The following GSE1 variants were observed in gnomAD, a reference collection of about 807,000 sequenced individuals.
GSE1 encodes the protein genetic suppressor element 1.
A neutral mutation model predicts 112.6 loss-of-function variants in GSE1; 32 were observed. The ratio of observed to expected loss-of-function variants is 0.28; its 90% confidence interval spans 0.21 to 0.38. The LOEUF is 0.38. GSE1 is among the 10% of genes least tolerant of loss of function. GSE1 has a pLI of 1.00. For synonymous variants in GSE1, 1,115 were observed against 735.6 expected, an observed-to-expected ratio of 1.52 and a Z score of -8.35; for missense variants, 2,348 against 1,699.2, an observed-to-expected ratio of 1.38 and a Z score of -6.71.
At chr16:85,459,538 C>T (rs2049918794) in intron 2 of GSE1, among the ~76,000 whole-genome samples, 1 of 152,218 alleles carries the variant, frequency 6.6e-6, no homozygotes, top group African/African-American at 2.4e-5. Context: ...ACAAACCACT[C>T]AGCTGCCCTT....
At chr16:85,483,591 C>A (rs2050748216) in intron 2 of GSE1, among the ~76,000 whole-genome samples, 1 of 152,284 alleles carries the variant, frequency 6.6e-6, no homozygotes, top group Non-Finnish European at 1.5e-5. Context: ...GCCACTGTCT[C>A]CGCCCTCTTG....
chr16:85,182,206 G>T (rs1201056723), intron 1 of GSE1, among the ~76,000 whole-genome samples: 2 of 152,182 alleles, frequency 1.3e-5, no homozygotes, highest in Admixed American at 1.3e-4. Flanking sequence ...GGCTCCTGTG[G>T]GGGGAGGAGG....
chr16:85,385,146 A>G (rs569290318), intron 2 of GSE1, among the ~76,000 whole-genome samples: 1 of 152,366 alleles, frequency 6.6e-6, no homozygotes, highest in African/African-American at 2.4e-5. Flanking sequence ...GGGCCGAGCC[A>G]CATGGGGCTT....
chr16:85,623,844 T>G (rs375933433), intron 1 of GSE1, among the ~76,000 whole-genome samples: 19 of 152,170 alleles, frequency 1.2e-4, no homozygotes, highest in African/African-American at 4.6e-4. Context: ...TCCTGGCCCC[T>G]GTATGATTGC....
chr16:85,236,053 G>C (rs534458078), intron 1 of GSE1, among the ~76,000 whole-genome samples: 9 of 152,184 alleles, frequency 5.9e-5, no homozygotes, highest in African/African-American at 1.9e-4. Flanking sequence ...GCTGGGGCTG[G>C]TGCCGCCCCT....
intron 2 of GSE1, among the ~76,000 whole-genome samples, chr16:85,493,729 G>A (rs1238528148): frequency 2.0e-5 from 3 of 149,438 alleles, no homozygotes; most frequent in Non-Finnish European, 3.0e-5. Flanking sequence ...GGTAGAGGTT[G>A]TGGTAAGCCG....
intron 2 of GSE1, among the ~76,000 whole-genome samples, chr16:85,377,920 G>A (rs1417404172): frequency 3.9e-5 from 6 of 152,246 alleles, no homozygotes; most frequent in Non-Finnish European, 4.4e-5. Flanking sequence ...GGGCCTGGCC[G>A]CTCCTTGGGC....
chr16:85,389,035 T>C (rs2047771368), intron 2 of GSE1, among the ~76,000 whole-genome samples: 1 of 152,200 alleles, frequency 6.6e-6, no homozygotes, highest in Admixed American at 6.5e-5. Context: ...AACCATGGAA[T>C]GGCCCTCATT....
At chr16:85,313,918 CTG>C (rs10676246) in intron 1 of GSE1, among the ~76,000 whole-genome samples, 30,295 of 149,186 alleles carry the variant, frequency 0.2, 3,503 homozygotes, top group Non-Finnish European at 0.26. Context: ...GTCTGAGCCT[CTG>C]TGTGTGTGTG....
intron 1 of GSE1, among the ~76,000 whole-genome samples, chr16:85,341,117 T>A (rs1038065228): frequency 6.6e-6 from 1 of 152,228 alleles, no homozygotes; most frequent in African/African-American, 2.4e-5. Context: ...ATTGAAACCT[T>A]CCTGACTGCT....
chr16:85,618,200 A>C (rs2048499673), intron 1 of GSE1, among the ~76,000 whole-genome samples: 1 of 151,932 alleles, frequency 6.6e-6, no homozygotes, highest in African/African-American at 2.4e-5. Context: ...CACTGGACTG[A>C]GGTGGCGTGA....
intron 2 of GSE1, among the ~76,000 whole-genome samples, chr16:85,452,229 T>C (rs2049706921): frequency 6.6e-6 from 1 of 152,178 alleles, no homozygotes. Flanking sequence ...GCTGTCTGAC[T>C]CCTCGCGTCC....
intron 1 of GSE1, among the ~76,000 whole-genome samples, chr16:85,338,088 C>A (rs967239498): frequency 6.6e-6 from 1 of 152,216 alleles, no homozygotes; most frequent in Non-Finnish European, 1.5e-5. Flanking sequence ...TGGCCCTGCT[C>A]GTCCTGCTCT....
chr16:85,191,398 C>G (rs1451473599), intron 1 of GSE1, among the ~76,000 whole-genome samples: 1 of 152,184 alleles, frequency 6.6e-6, no homozygotes, highest in Non-Finnish European at 1.5e-5. Context: ...TCACCGCTGT[C>G]TAATCTTAGA....
chr16:85,308,503 T>G (rs897764938), intron 1 of GSE1, among the ~76,000 whole-genome samples: 1 of 152,064 alleles, frequency 6.6e-6, no homozygotes, highest in Non-Finnish European at 1.5e-5. Flanking sequence ...TTTAAACTGC[T>G]TCAGAAAACA....
chr16:85,551,574 C>T (rs529759367), upstream of GSE1, among the ~76,000 whole-genome samples: 68 of 152,304 alleles, frequency 4.5e-4, no homozygotes, highest in African/African-American at 1.6e-3. Flanking sequence ...CGGCGGGGCA[C>T]GGTGGGGTTG....
In GSE1 at chr16:85,331,521, A is replaced by G. The variant is rs62048472; in HGVS notation, c.2284-25942A>G. ...TATGTGTATATATGTATATATGTGTATATATGTGTATATGTGTATATGTGT... is the reference window on the plus strand; with the variant it reads ...TATGTGTATATATGTATATATGTGTGTATATGTGTATATGTGTATATGTGT... On this transcript the variant is annotated intron_variant, in intron 1 of 2. Transcript: ENST00000637419. Among the ~76,000 whole-genome samples, 7 of 62,178 alleles carry G rather than the reference A, an allele frequency of 1.1e-4. 1 individual carries two copies. The highest frequency in any genetic ancestry group is 7.1e-4 in the Admixed American group (3 of 4,248). 40.8% of individuals were successfully genotyped at this position (62,178 alleles called of 152,430 possible). A position where few individuals can be genotyped will look rare whatever the true frequency, so the allele number is the denominator to read the frequency against.
At chr16:85,446,248 C>T (rs1206112310) in intron 2 of GSE1, among the ~76,000 whole-genome samples, 1 of 152,214 alleles carries the variant, frequency 6.6e-6, no homozygotes, top group East Asian at 1.9e-4. Flanking sequence ...GTCCTCCACT[C>T]ATCAGTTGAA....
chr16:85,388,716 G>A (rs2047764355), intron 2 of GSE1, among the ~76,000 whole-genome samples: 1 of 151,992 alleles, frequency 6.6e-6, no homozygotes, highest in Non-Finnish European at 1.5e-5. Context: ...GGGTGGATGA[G>A]TGGATAGATG....
Sources: gnomAD v4.1 joint callset for allele counts (sites outside exome capture counted in the v4.1 genomes callset) on GRCh38, gnomAD v4.1.1 for gene constraint, MANE v1.5 for transcripts, NCBI Gene and HGNC (gene_info 2026-07-23, HGNC 2026-07-21) for gene names.